Variants in UGT1A9 observed in about 807,000 individuals in gnomAD.
UGT1A9 encodes the protein UDP glucuronosyltransferase family 1 member A9, also known as UDP-glucuronosyltransferase 1A9.
A neutral mutation model predicts 45.0 loss-of-function variants in UGT1A9; 35 were observed. The ratio of observed to expected loss-of-function variants is 0.78; its 90% CI spans 0.59 to 1.03. The LOEUF (loss-of-function observed/expected upper bound fraction) is 1.03. Among genes scored for constraint, UGT1A9 ranks in the 50% least tolerant of loss-of-function variants. The pLI is 0.00. For missense variants in UGT1A9, 687 were observed against 666.6 expected (o/e 1.03, Z -0.34); for synonymous variants, 278 against 250.6 (o/e 1.11, Z -1.03).
At chr2:233,735,191 G>T (rs1286482210) in intron 1 of UGT1A9, among the ~76,000 whole-genome samples, 1 of 150,050 alleles carries the variant, frequency 6.7e-6, no homozygotes, top group African/African-American at 2.5e-5. Flanking sequence ...TATGAATCTA[G>T]GTGCTCCTGT....
intron 1 of UGT1A9, chr2:233,760,795 T>C (rs1035248479): frequency 1.2e-5 from 19 of 1,613,472 alleles, no homozygotes; most frequent in Non-Finnish European, 1.5e-5. Context: ...GCCCACTGTA[T>C]TCTTCTTGCA....
At chr2:233,700,033 A>C (rs776085773) in intron 1 of UGT1A9, among the ~76,000 whole-genome samples, 1 of 152,196 alleles carries the variant, frequency 6.6e-6, no homozygotes, top group Non-Finnish European at 1.5e-5. Context: ...AGAAACTCTG[A>C]TCTAAATCAA....
At chr2:233,699,301 G>A (rs1359484786) in intron 1 of UGT1A9, among the ~76,000 whole-genome samples, 1 of 152,060 alleles carries the variant, frequency 6.6e-6, no homozygotes, top group African/African-American at 2.4e-5. Flanking sequence ...ACACTCTTAT[G>A]CTGTCCTTTT....
intron 4 of UGT1A9, chr2:233,771,247 T>G (rs1205920576): frequency 6.6e-6 from 1 of 152,190 alleles, no homozygotes; most frequent in Non-Finnish European, 1.5e-5. Flanking sequence ...TAATTAGTCC[T>G]GAATAGGAGT....
At chr2:233,723,288 C>A (rs1349811182) in intron 1 of UGT1A9, among the ~76,000 whole-genome samples, 2 of 115,626 alleles carry the variant, frequency 1.7e-5, no homozygotes, top group Non-Finnish European at 3.4e-5. Flanking sequence ...TGGCTCACTG[C>A]AACCTCTGCC....
intron 1 of UGT1A9, chr2:233,742,723 T>C (rs17863795): frequency 0.037 from 5,611 of 152,966 alleles, 153 homozygotes; most frequent in Non-Finnish European, 0.057. Context: ...CTCAGTGATA[T>C]GGGATTCAAA....
rs41264157 is a variant in UGT1A9 at position 233,755,111 on chromosome 2, G to C, written c.856-11923G>C. ...GTTTCTACGCGTCCGACAACACCTCGTAGGCCTCAGCCACCTGCTTGAATC... is the reference window on the plus strand; with the variant it reads ...GTTTCTACGCGTCCGACAACACCTCCTAGGCCTCAGCCACCTGCTTGAATC... On this transcript the variant is annotated intron_variant, in intron 1 of 4. Transcript: ENST00000354728. 5.5e-4 allele frequency: 736 copies of C among 1,331,768 alleles called. 3 individuals are homozygous for C. The African/African-American group carries it at 7.2e-3, about 13-fold the overall frequency. The allele number at this position is 1,331,768 out of a possible 1,614,324, so 82.5% of individuals were successfully genotyped here.
intron 1 of UGT1A9, chr2:233,682,144 A>T: frequency 6.2e-7 from 1 of 1,614,192 alleles, no homozygotes; most frequent in Non-Finnish European, 8.5e-7. Context: ...TGGGAAGATC[A>T]CTGAATTGCA....
At chr2:233,760,783 C>T in intron 1 of UGT1A9, 1 of 1,613,870 alleles carries the variant, frequency 6.2e-7, no homozygotes, top group Non-Finnish European at 8.5e-7. Flanking sequence ...GTACCTGTCT[C>T]TGCCCACTGT....
intron 1 of UGT1A9, chr2:233,729,506 CT>C (rs2077870453): frequency 6.2e-7 from 1 of 1,614,044 alleles, no homozygotes; most frequent in African/African-American, 1.3e-5. Flanking sequence ...TATCATAGGT[CT>C]TGTGTGGAGC....
chr2:233,731,057 C>A (rs1221719711), intron 1 of UGT1A9, among the ~76,000 whole-genome samples: 3 of 152,120 alleles, frequency 2.0e-5, no homozygotes, highest in Non-Finnish European at 4.4e-5. Context: ...TGTGTATGAA[C>A]TTCCATGATT....
At chr2:233,738,047 C>T (rs1690670574) in intron 1 of UGT1A9, among the ~76,000 whole-genome samples, 1 of 152,068 alleles carries the variant, frequency 6.6e-6, no homozygotes, top group Non-Finnish European at 1.5e-5. Flanking sequence ...GTGTTGAGGA[C>T]AGGACATGGT....
chr2:233,691,772 C>T (rs2075056537), intron 1 of UGT1A9: 2 of 348,666 alleles, frequency 5.7e-6, no homozygotes, highest in Non-Finnish European at 8.1e-6. Context: ...CTAGGATTCT[C>T]ACCACGTACT....
At chr2:233,729,661 G>T in intron 1 of UGT1A9, 1 of 1,613,902 alleles carries the variant, frequency 6.2e-7, no homozygotes, top group Non-Finnish European at 8.5e-7. Flanking sequence ...CATTCCATGT[G>T]ATTTAGACTT....
Position 233,769,621 on chromosome 2 carries a change from A to G in UGT1A9, c.1295+1182A>G. 2 of 1,612,498 alleles carry G rather than the reference A, an allele frequency of 1.2e-6. No homozygotes were observed. The highest frequency in any genetic ancestry group is 1.7e-5 in the Admixed American group (1 of 59,994). On this transcript the variant is annotated intron_variant, in intron 4 of 4. Transcript: ENST00000354728. The surrounding 1 kb of genome is among the most constrained non-coding windows in gnomAD (Gnocchi z 4.4). Reference sequence around the variant, plus strand: ...ACACGGGGACACACCAGCTTGAGCAAGGGACAACAGGGGAGGACTGATGAC... The same window carrying G: ...ACACGGGGACACACCAGCTTGAGCAGGGGACAACAGGGGAGGACTGATGAC...
chr2:233,734,914 A>G (rs7576166), intron 1 of UGT1A9, among the ~76,000 whole-genome samples: 69,332 of 152,022 alleles, frequency 0.46, 17,225 homozygotes, highest in African/African-American at 0.66. Context: ...TACATTTGCT[A>G]AGGAGTGCTT....
chr2:233,690,168 G>A (rs967401019), intron 1 of UGT1A9, among the ~76,000 whole-genome samples: 1 of 152,284 alleles, frequency 6.6e-6, no homozygotes, highest in Admixed American at 6.5e-5. Context: ...ATGTAGTTAT[G>A]TTTTTATAGC....
intron 1 of UGT1A9, chr2:233,760,250 G>GT: frequency 6.2e-7 from 1 of 1,601,220 alleles, no homozygotes; most frequent in Non-Finnish European, 8.5e-7. Flanking sequence ...ATATATATAA[G>GT]TAGGAGAGGG....
intron 1 of UGT1A9, chr2:233,740,831 T>A (rs1418284400): frequency 1.3e-5 from 2 of 151,936 alleles, no homozygotes; most frequent in East Asian, 3.8e-4. Flanking sequence ...GCTGAGACAT[T>A]TTAAAAGGAG....
Sources: gnomAD v4.1 joint callset for allele counts (sites outside exome capture counted in the v4.1 genomes callset) on GRCh38, gnomAD v4.1.1 for gene constraint, Gnocchi (gnomAD v3.1) non-coding constraint, MANE v1.5 for transcripts, NCBI Gene and HGNC (gene_info 2026-07-23, HGNC 2026-07-21) for gene names.